FBXO32: variants seen among roughly 807,000 people sequenced by gnomAD.
FBXO32 encodes F-box only protein 32.
A neutral mutation model predicts 48.3 loss-of-function variants in FBXO32; 15 were observed. The observed-to-expected ratio is 0.31, with a 90% confidence interval of 0.21 to 0.48. The LOEUF is 0.48. Ranked by LOEUF, FBXO32 falls within the 20% of genes least tolerant of loss-of-function variation. The pLI, the probability that FBXO32 is intolerant of heterozygous loss-of-function variation, is 0.99. For synonymous variants in FBXO32, 154 were observed against 165.9 expected, an observed-to-expected ratio of 0.93 and a Z score of 0.55; for missense variants, 309 against 432.7, an observed-to-expected ratio of 0.71 and a Z score of 2.54.
chr8:123,539,972 G>T (rs551729447), intron 1 of FBXO32, among the ~76,000 whole-genome samples: 141 of 152,282 alleles, frequency 9.3e-4, no homozygotes, highest in African/African-American at 3.3e-3. Context: ...CGAGGTCAGG[G>T]GCTGAGAAAT....
intron 4 of FBXO32, among the ~76,000 whole-genome samples, chr8:123,518,061 C>G (rs1399216034): frequency 6.6e-6 from 1 of 152,112 alleles, no homozygotes; most frequent in Non-Finnish European, 1.5e-5. Flanking sequence ...TGGGTGTATT[C>G]CAATAAAACT....
At chr8:123,530,716 G>C (rs576433939) in intron 4 of FBXO32, among the ~76,000 whole-genome samples, 1 of 152,032 alleles carries the variant, frequency 6.6e-6, no homozygotes, top group South Asian at 2.1e-4. Flanking sequence ...CTGGATTCAA[G>C]CGATTCTCCT....
At chr8:123,503,938 G>A (rs1816554454) in intron 8 of FBXO32, among the ~76,000 whole-genome samples, 1 of 152,126 alleles carries the variant, frequency 6.6e-6, no homozygotes, top group Non-Finnish European at 1.5e-5. Flanking sequence ...ATTAGCCTGG[G>A]TGTGGTGGCA....
chr8:123,530,087 G>C (rs779272694), intron 4 of FBXO32, among the ~76,000 whole-genome samples: 4 of 152,160 alleles, frequency 2.6e-5, no homozygotes, highest in Non-Finnish European at 5.9e-5. Context: ...ACACTGAATG[G>C]CATGAACATT....
chr8:123,506,983 C>T lies in FBXO32; in HGVS notation c.652-409G>A, dbSNP rs1816638658. Among the ~76,000 whole-genome samples the T allele has an allele frequency of 6.6e-6, 1 of 152,180 alleles. No homozygotes were observed. Among genetic ancestry groups the T allele is most frequent in the African/African-American group, 2.4e-5 (1 of 41,450 alleles). On this transcript the variant is annotated intron_variant, in intron 6 of 8. Coordinates refer to ENST00000517956, the MANE Select transcript of FBXO32 (RefSeq NM_058229.4). The surrounding 1 kb of genome is among the most constrained non-coding windows in gnomAD (Gnocchi z 4.0). ...TCTGGCCCCCCTCCAGACATCAGGTCCCTCCAAGTAGGTTTACTCACTGGC... is the reference window on the plus strand; with the variant it reads ...TCTGGCCCCCCTCCAGACATCAGGTTCCTCCAAGTAGGTTTACTCACTGGC...
At position 123,529,381 on chromosome 8, in the gene FBXO32, G is replaced by A. The variant is rs1817153947; in HGVS notation, c.372+2517C>T. On this transcript the variant is annotated intron_variant, in intron 4 of 8. Coordinates refer to ENST00000517956, the MANE Select transcript of FBXO32 (RefSeq NM_058229.4). ...TTTTAGGGGGAAATCAATAATTTTGGTAAGTGGGTAACAGTAAACATTAGC... is the reference window on the plus strand; with the variant it reads ...TTTTAGGGGGAAATCAATAATTTTGATAAGTGGGTAACAGTAAACATTAGC... 3.3e-5 allele frequency among the ~76,000 whole-genome samples: 5 copies of A among 152,280 alleles called. No homozygotes were observed. In the South Asian group the frequency reaches 1.0e-3, roughly 32 times the overall value.
In FBXO32 at chr8:123,540,140, C is replaced by G. The variant is rs1421751811; in HGVS notation, c.116+759G>C. 2.0e-5 allele frequency among the ~76,000 whole-genome samples: 3 copies of G among 152,200 alleles called. No individual in the cohort carries two copies. The highest frequency in any genetic ancestry group is 2.0e-4 in the Admixed American group (3 of 15,284). On this transcript the variant is annotated intron_variant, in intron 1 of 8. Coordinates refer to ENST00000517956, the MANE Select transcript of FBXO32 (RefSeq NM_058229.4). This position sits in a 1 kb window ranked among gnomAD's most constrained non-coding sequence, Gnocchi z 6.4. ...AGGCAGGCTTTTCGCAGCTGACAGG[C>G]ACCCCTGGAAACGGAGTGCACTCTA...
intron 4 of FBXO32, among the ~76,000 whole-genome samples, chr8:123,527,739 C>T (rs1817114963): frequency 1.3e-5 from 2 of 152,170 alleles, no homozygotes; most frequent in South Asian, 2.1e-4. Flanking sequence ...CACTTTCACA[C>T]CCACTGCCTT....
intron 1 of FBXO32, among the ~76,000 whole-genome samples, chr8:123,537,488 G>C (rs1437532838): frequency 6.6e-6 from 1 of 150,838 alleles, no homozygotes; most frequent in Admixed American, 6.6e-5. Context: ...TTTGGCAGCA[G>C]ATAAAGAAGG....
chr8:123,527,634 C>T (rs1817113257), intron 4 of FBXO32, among the ~76,000 whole-genome samples: 1 of 152,196 alleles, frequency 6.6e-6, no homozygotes. Context: ...ATTCAGTCTT[C>T]AAGTTTTAAT....
intron 4 of FBXO32, among the ~76,000 whole-genome samples, chr8:123,529,299 T>C (rs1034171877): frequency 2.6e-5 from 4 of 152,246 alleles, no homozygotes; most frequent in African/African-American, 9.6e-5. Flanking sequence ...AATTGCCAGA[T>C]TCACCAATTA....
chr8:123,535,834 T>TTG (rs1454697801), intron 1 of FBXO32, among the ~76,000 whole-genome samples: 4 of 151,754 alleles, frequency 2.6e-5, no homozygotes, highest in African/African-American at 9.7e-5. Context: ...GGGGTTTTTT[T>TTG]TTTTTTGCTA....
Position 123,506,297 on chromosome 8 carries a change from G to A in FBXO32, c.834+95C>T. On this transcript the variant is annotated intron_variant, in intron 7 of 8. Coordinates refer to ENST00000517956, the MANE Select transcript of FBXO32 (RefSeq NM_058229.4). The surrounding 1 kb of genome is among the most constrained non-coding windows in gnomAD (Gnocchi z 4.0). Reference sequence around the variant, plus strand: ...CAAACCAGGGAACCTGGAATAGGGGGAACCCAGACCTCAGGCTTGAGCAGG... The same window carrying A: ...CAAACCAGGGAACCTGGAATAGGGGAAACCCAGACCTCAGGCTTGAGCAGG... 7.4e-7 allele frequency: 1 copy of A among 1,355,546 alleles called. No homozygotes were observed. The highest frequency in any genetic ancestry group is 1.0e-6 in the Non-Finnish European group (1 of 972,270). 84.0% of individuals were successfully genotyped at this position (1,355,546 alleles called of 1,614,324 possible).
At chr8:123,527,541 A>T (rs1817111049) in intron 4 of FBXO32, among the ~76,000 whole-genome samples, 1 of 152,190 alleles carries the variant, frequency 6.6e-6, no homozygotes, top group African/African-American at 2.4e-5. Context: ...TAAAGATTTT[A>T]AAAATGTACG....
Position 123,535,826 on chromosome 8 carries a change from G to GT in FBXO32, c.117-1013_117-1012insA, listed in dbSNP as rs149011780. ...GCCAACTGGTAAAACATAAATTAGG[G>GT]GTTTTTTTTTTTTTGCTATACCACC... On this transcript the variant is annotated intron_variant, in intron 1 of 8. Transcript: ENST00000517956. Among the ~76,000 whole-genome samples the GT allele has an allele frequency of 1.6e-3, 210 of 133,496 alleles. 1 individual carries two copies. Among genetic ancestry groups the GT allele is most frequent in the African/African-American group, 4.9e-3 (153 of 31,018 alleles). 87.6% of individuals were successfully genotyped at this position (133,496 alleles called of 152,430 possible).
chr8:123,531,286 C>G (rs1817203563), intron 4 of FBXO32, among the ~76,000 whole-genome samples: 1 of 152,136 alleles, frequency 6.6e-6, no homozygotes, highest in South Asian at 2.1e-4. Context: ...CCGGCCAAAA[C>G]AGGCAGTTTT....
intron 6 of FBXO32, among the ~76,000 whole-genome samples, chr8:123,511,473 G>GT (rs1175355798): frequency 1.3e-5 from 2 of 151,178 alleles, no homozygotes; most frequent in Admixed American, 1.3e-4. Context: ...CCATCTAGAG[G>GT]TTTTTTGTTT....
chr8:123,521,023 CCG>C (rs1247602407), intron 4 of FBXO32, among the ~76,000 whole-genome samples: 1 of 152,224 alleles, frequency 6.6e-6, no homozygotes, highest in Non-Finnish European at 1.5e-5. Flanking sequence ...GTGGCCTGCC[CCG>C]GGCTCAGAGG....
At position 123,503,162 on chromosome 8, in the gene FBXO32, T is replaced by C; in HGVS notation, c.*211A>G. On this transcript the variant is annotated 3_prime_UTR_variant, in exon 9 of 9. Coordinates refer to ENST00000517956, the MANE Select transcript of FBXO32 (RefSeq NM_058229.4). ...AAGTTTATTTACAGTATTTTGCTTT[T>C]CCATACCAATTCTAGTGAGAAGTTC... 1 of 439,582 alleles carries C rather than the reference T, an allele frequency of 2.3e-6. No individual in the cohort carries two copies. The highest frequency in any genetic ancestry group is 4.0e-6 in the Non-Finnish European group (1 of 247,118). The allele number at this position is 439,582 out of a possible 1,614,324, so 27.2% of individuals were successfully genotyped here.
Sources: gnomAD v4.1 joint callset for allele counts (sites outside exome capture counted in the v4.1 genomes callset) on GRCh38, gnomAD v4.1.1 for gene constraint, Gnocchi (gnomAD v3.1) non-coding constraint, MANE v1.5 for transcripts, NCBI Gene and HGNC (gene_info 2026-07-23, HGNC 2026-07-21) for gene names.